PSG9: variants seen among roughly 807,000 people sequenced by gnomAD.
The protein encoded by PSG9 is pregnancy-specific beta-1-glycoprotein 9.
Under a neutral mutation model 41.9 loss-of-function variants are expected in PSG9, and 49 were observed. The observed-to-expected ratio is 1.17, with a 90% CI of 0.93 to 1.48. PSG9 has a LOEUF of 1.48. PSG9 is among the 40% of genes most tolerant of loss of function. The pLI, the probability that PSG9 is intolerant of heterozygous loss-of-function variation, is 0.00. For synonymous variants in PSG9, 263 were observed against 196.8 expected (o/e 1.34, Z -2.82); for missense variants, 641 against 520.3 (o/e 1.23, Z -2.26).
chr19:43,261,819 G>A, intron 3 of PSG9, 41 bp downstream of exon 3: 1 of 1,614,020 alleles, frequency 6.2e-7, no homozygotes. Context: ...ATGTGTATTT[G>A]GGATGGCAGC....
chr19:43,257,765 G>A, intron 5 of PSG9: 1 of 1,259,846 alleles, frequency 7.9e-7, no homozygotes, highest in Non-Finnish European at 9.9e-7. Context: ...TCACCCAAGG[G>A]GCTTCCTCCT....
intron 2 of PSG9, among the ~76,000 whole-genome samples, chr19:43,263,397 T>C (rs1373077925): frequency 1.3e-5 from 2 of 152,140 alleles, no homozygotes; most frequent in Non-Finnish European, 2.9e-5. Flanking sequence ...GCATCCCAAA[T>C]CTGAAAAATT....
rs143989986 is a variant in PSG9 at position 43,261,167 on chromosome 19, A to C, written c.709+693T>G. Among the ~76,000 whole-genome samples the C allele has an allele frequency of 4.3e-3, 655 of 152,226 alleles. 3 individuals are homozygous for C. Among genetic ancestry groups the C allele is most frequent in the Non-Finnish European group, 6.7e-3 (455 of 67,980 alleles). On this transcript the variant is annotated intron_variant, in intron 3 of 5. Transcript: ENST00000270077. ...GTTCCCTGACAGCTAGATAGACTTC[A>C]CTGGAAAACATAGTGCCAGTGCTCC...
chr19:43,263,675 A>G (rs900161333), intron 2 of PSG9, among the ~76,000 whole-genome samples: 1 of 152,066 alleles, frequency 6.6e-6, no homozygotes, highest in African/African-American at 2.4e-5. Context: ...TCTAAGATCA[A>G]TTGCTGGTAG....
chr19:43,253,654 A>G lies in PSG9; in HGVS notation c.1244-8T>C, dbSNP rs182535252. The G allele has an allele frequency of 7.0e-5, 84 of 1,206,782 alleles. 23 individuals are homozygous for G. The East Asian group carries it at 2.1e-3, about 30-fold the overall frequency. The allele number at this position is 1,206,782 out of a possible 1,614,324, so 74.8% of individuals were successfully genotyped here. A position where few individuals can be genotyped will look rare whatever the true frequency, so the allele number is the denominator to read the frequency against. On this transcript the variant is annotated splice_polypyrimidine_tract_variant and splice_region_variant and intron_variant, in intron 5 of 5. Coordinates refer to ENST00000270077, the MANE Select transcript of PSG9 (RefSeq NM_002784.5). Reference sequence around the variant, plus strand: ...GGTCTCCATGGCAGGGACCTGATTGACAGAAGGCCCAGGTCAGTGCATTTC... The same window carrying G: ...GGTCTCCATGGCAGGGACCTGATTGGCAGAAGGCCCAGGTCAGTGCATTTC...
Position 43,262,044 on chromosome 19 carries a change from G to A in PSG9, c.525C>T (p.Asp175=), listed in dbSNP as rs150952802. 40 of 1,613,864 alleles carry A rather than the reference G, an allele frequency of 2.5e-5. No homozygotes were observed. The highest frequency in any genetic ancestry group is 2.1e-5 in the Non-Finnish European group (25 of 1,179,904). The part of the protein sequence containing the change: ...VRLICDPETL[D]ASYLWWMNGQ... ...CATTCATCCACCATAGGTAGCTTGC[G>A]TCCAGAGTCTCAGGATCACAGATTA... Residue 175 remains aspartate, a synonymous_variant, in exon 3 of 6, where the codon GAC becomes GAT. Transcript: ENST00000270077.
At chr19:43,262,890 C>G (rs1381999253) in intron 2 of PSG9, among the ~76,000 whole-genome samples, 1 of 152,134 alleles carries the variant, frequency 6.6e-6, no homozygotes, top group Non-Finnish European at 1.5e-5. Context: ...CATGATGCTC[C>G]CTTCCCCCTG....
chr19:43,268,299 A>G, intron 1 of PSG9, 150 bp from the exon 2 acceptor site: 2 of 1,287,030 alleles, frequency 1.6e-6, no homozygotes, highest in Non-Finnish European at 1.1e-6. Context: ...AAAAACGGGC[A>G]TGTGTGTTTG....
In PSG9 at chr19:43,254,061, G is replaced by A. The variant is rs564585320; in HGVS notation, c.1244-415C>T. ...TTAGCTTTTTTTTTCTCTCCCACAA[G>A]TAGTCAGTAACCATGTCCTAGTGTT... On this transcript the variant is annotated intron_variant, in intron 5 of 5. Coordinates refer to ENST00000270077, the MANE Select transcript of PSG9 (RefSeq NM_002784.5). Among the ~76,000 whole-genome samples, 4 of 144,640 alleles carry A rather than the reference G, an allele frequency of 2.8e-5. No homozygotes were observed. In the South Asian group the frequency reaches 6.6e-4, roughly 24 times the overall value. 94.9% of individuals were successfully genotyped at this position (144,640 alleles called of 152,430 possible).
intron 2 of PSG9, among the ~76,000 whole-genome samples, chr19:43,264,484 G>A (rs1250935432): frequency 6.6e-6 from 1 of 151,808 alleles, no homozygotes; most frequent in African/African-American, 2.4e-5. Context: ...CTGAGACAGA[G>A]TCTCGCTCTG....
rs774169119 is a variant in PSG9 at position 43,262,108 on chromosome 19, C to A, written c.461G>T (p.Ser154Ile). 6.2e-7 allele frequency: 1 copy of A among 1,613,844 alleles called. No individual in the cohort carries two copies. The highest frequency in any genetic ancestry group is 8.5e-7 in the Non-Finnish European group (1 of 1,179,832). ...LETPKPYISSSNLNPREAMEA... is the reference protein window; with the variant it reads ...LETPKPYISSINLNPREAMEA... ...CATGGCCTCCCTGGGGTTTAAGTTG[C>A]TGCTGGAGATGTAGGGCTTGGGAGT... Residue 154 changes from serine to isoleucine, a missense_variant, in exon 3 of 6, where the codon AGC becomes ATC. Coordinates refer to ENST00000270077, the MANE Select transcript of PSG9 (RefSeq NM_002784.5).
At chr19:43,263,191 C>T (rs918921031) in intron 2 of PSG9, among the ~76,000 whole-genome samples, 2 of 152,058 alleles carry the variant, frequency 1.3e-5, no homozygotes, top group African/African-American at 4.8e-5. Context: ...GAGCTGGGAT[C>T]AGGGGAATAG....
At chr19:43,263,329 T>C (rs1568417284) in intron 2 of PSG9, among the ~76,000 whole-genome samples, 1 of 152,118 alleles carries the variant, frequency 6.6e-6, no homozygotes, top group East Asian at 1.9e-4. Flanking sequence ...TAAAACAAAG[T>C]GTTTTGGATT....
chr19:43,257,847 A>G, intron 5 of PSG9: 1 of 1,376,616 alleles, frequency 7.3e-7, no homozygotes. Flanking sequence ...AATAGGTACA[A>G]GAAAAAAAAG....
At chr19:43,264,852 A>C (rs1307436778) in intron 2 of PSG9, among the ~76,000 whole-genome samples, 2 of 152,168 alleles carry the variant, frequency 1.3e-5, no homozygotes, top group Admixed American at 1.3e-4. Flanking sequence ...TATATGCCTG[A>C]CAGGAAGCCA....
intron 2 of PSG9, among the ~76,000 whole-genome samples, chr19:43,267,138 C>T (rs1341221450): frequency 6.6e-6 from 1 of 152,110 alleles, no homozygotes; most frequent in Non-Finnish European, 1.5e-5. Context: ...CTAAGCCTCC[C>T]AAGGCAGTTG....
At position 43,261,884 on chromosome 19, in the gene PSG9, C is replaced by G. The variant is rs376174131; in HGVS notation, c.685G>C (p.Asp229His). 1.2e-6 allele frequency: 2 copies of G among 1,613,946 alleles called. No individual in the cohort carries two copies. Among genetic ancestry groups the G allele is most frequent in the African/African-American group, 2.7e-5 (2 of 74,916 alleles). The change falls in exon 3 of 6, where the codon GAC becomes CAC. Residue 229 changes from aspartate to histidine, a missense_variant. Asp to His is a moderately conservative substitution (Grantham distance 81). Transcript: ENST00000270077. ...IRNPVSASRS[D>H]PVTLNLLPKL... ...CGGAGGAGATTCAGGGTGACTGGGT[C>G]ACTGCGACTGGCACTCACTGGGTTC... is the stretch of plus-strand genomic sequence containing the variant.
intron 1 of PSG9, among the ~76,000 whole-genome samples, chr19:43,268,644 C>T (rs1346001042): frequency 6.6e-6 from 1 of 152,188 alleles, no homozygotes; most frequent in African/African-American, 2.4e-5. Flanking sequence ...TCCGTGAGGA[C>T]AGGGACTTTT....
At chr19:43,260,970 A>G (rs1259152161) in intron 3 of PSG9, among the ~76,000 whole-genome samples, 1 of 152,136 alleles carries the variant, frequency 6.6e-6, no homozygotes, top group Non-Finnish European at 1.5e-5. Flanking sequence ...GTTAATGTGA[A>G]TTGAAATCCT....
Sources: allele counts gnomAD v4.1 joint callset (sites outside exome capture counted in the v4.1 genomes callset), GRCh38; gene constraint gnomAD v4.1.1; transcripts MANE v1.5; gene names NCBI Gene and HGNC (gene_info 2026-07-23, HGNC 2026-07-21).